The following RIPOR1 variants were observed in gnomAD, a reference collection of about 807,000 sequenced individuals.
RIPOR1 encodes the protein rho family-interacting cell polarization regulator 1.
A neutral mutation model predicts 116.5 loss-of-function variants in RIPOR1; 58 were observed. That is an observed-to-expected ratio of 0.50 (90% CI 0.40 to 0.62). RIPOR1 has a LOEUF of 0.62. Ranked by LOEUF, RIPOR1 falls within the 20% of genes least tolerant of loss-of-function variation. The pLI, the probability that RIPOR1 is intolerant of heterozygous loss-of-function variation, is 0.00. For missense variants in RIPOR1, 1,372 were observed against 1,586.2 expected, an observed-to-expected ratio of 0.86 and a Z score of 2.29; for synonymous variants, 605 against 650.0, an observed-to-expected ratio of 0.93 and a Z score of 1.05.
Position 67,543,144 on chromosome 16 carries a change from G to A in RIPOR1, c.2358G>A (p.Gly786=), listed in dbSNP as rs757654923. ...TPVPTAAGGS[G]DRSLEEALGA... ...TCCCAACGGCAGCCGGAGGGTCTGG[G>A]GACAGGAGCCTGGAGGAGGCACTGG... Residue 786 remains glycine, a synonymous_variant, in exon 13 of 22, where the codon GGG becomes GGA. Transcript: ENST00000042381. The surrounding 1 kb of genome is among the most constrained non-coding windows in gnomAD (Gnocchi z 4.7). 6.5e-7 allele frequency: 1 copy of A among 1,532,440 alleles called. No individual in the cohort carries two copies. The highest frequency in any genetic ancestry group is 1.3e-5 in the South Asian group (1 of 77,122). The allele number at this position is 1,532,440 out of a possible 1,614,324, so 94.9% of individuals were successfully genotyped here. A position where few individuals can be genotyped will look rare whatever the true frequency, so the allele number is the denominator to read the frequency against.
chr16:67,526,933 C>T (rs1255214327), upstream of RIPOR1, among the ~76,000 whole-genome samples: 1 of 152,240 alleles, frequency 6.6e-6, no homozygotes, highest in Admixed American at 6.5e-5. Flanking sequence ...GGGATGGGGA[C>T]AATGCTGAGG....
At position 67,537,518 on chromosome 16, in the gene RIPOR1, T is replaced by G; in HGVS notation, c.-23-906T>G. On this transcript the variant is annotated intron_variant, in intron 1 of 21. Transcript: ENST00000042381. The surrounding 1 kb of genome is among the most constrained non-coding windows in gnomAD (Gnocchi z 4.6). ...CGGAGCCCAGCCGGGCGGCTCGAAG[T>G]GGCCAGGGCCGGAAGGTCCGCGGGG... 2.3e-6 allele frequency: 3 copies of G among 1,283,054 alleles called. No homozygotes were observed. The highest frequency in any genetic ancestry group is 3.0e-6 in the Non-Finnish European group (3 of 1,013,440). The allele number at this position is 1,283,054 out of a possible 1,614,324, so 79.5% of individuals were successfully genotyped here. A position where few individuals can be genotyped will look rare whatever the true frequency, so the allele number is the denominator to read the frequency against.
upstream of RIPOR1, among the ~76,000 whole-genome samples, chr16:67,525,006 G>A (rs558089725): frequency 2.4e-4 from 37 of 152,300 alleles, no homozygotes; most frequent in African/African-American, 6.7e-4. Context: ...CCAAGGCCCC[G>A]CACGCAATTC....
rs748651439 is a variant in RIPOR1, at chr16:67,544,797, C to A, written c.2836C>A (p.Arg946=). ...GGAGGCAGTATGCGAGTTCAGCAGG[C>A]GGTGGGAGATCCCGGCCAGCTCTGC... ...VLEAVCEFSR[R]WEIPASSAQE... is the part of the protein sequence containing the mutation. Residue 946 remains arginine (R), a synonymous_variant, in exon 16 of 22, where the codon CGG becomes AGG. Transcript: ENST00000042381. The surrounding 1 kb of genome is among the most constrained non-coding windows in gnomAD (Gnocchi z 5.1). 2 of 1,598,650 alleles carry A rather than the reference C, an allele frequency of 1.3e-6. No homozygotes were observed. The highest frequency in any genetic ancestry group is 2.7e-5 in the African/African-American group (2 of 74,662).
upstream of RIPOR1, among the ~76,000 whole-genome samples, chr16:67,527,374 G>C (rs1162580908): frequency 1.3e-5 from 2 of 151,828 alleles, no homozygotes. Flanking sequence ...AACAGAGGGA[G>C]ACTCCGTCCC....
chr16:67,521,122 A>G (rs1347186191), intron 1 of RIPOR1, among the ~76,000 whole-genome samples: 1 of 152,206 alleles, frequency 6.6e-6, no homozygotes, highest in African/African-American at 2.4e-5. Flanking sequence ...GCTGTCACAC[A>G]GAACCGAACA....
At position 67,546,374 on chromosome 16, in the gene RIPOR1, G is replaced by A. The variant is rs2051168849; in HGVS notation, c.3571G>A (p.Gly1191Arg). 6.2e-7 allele frequency: 1 copy of A among 1,613,986 alleles called. No homozygotes were observed. The highest frequency in any genetic ancestry group is 8.5e-7 in the Non-Finnish European group (1 of 1,179,986). ...RQSLQQCGEE[G>R]QSAHRRLEES... is the part of the protein sequence containing the mutation. ...ATCCTCACTCATTACAGGAGAAGAGGGACAGTCTGCCCATCGACGGCTGGA... is the reference window on the plus strand; with the variant it reads ...ATCCTCACTCATTACAGGAGAAGAGAGACAGTCTGCCCATCGACGGCTGGA... Residue 1191 changes from glycine (G) to arginine (R), a missense_variant, in exon 22 of 22, where the codon GGA becomes AGA. Gly to Arg is a moderately radical substitution (Grantham distance 125). Transcript: ENST00000042381.
In RIPOR1 at chr16:67,545,424, G is replaced by C. The variant is rs753854878; in HGVS notation, c.3080G>C (p.Arg1027Thr). 2.2e-5 allele frequency: 36 copies of C among 1,614,008 alleles called. No homozygotes were observed. The highest frequency in any genetic ancestry group is 3.0e-5 in the Non-Finnish European group (35 of 1,180,022). The change falls in exon 18 of 22, where the codon AGG becomes ACG. Residue 1027 changes from arginine to threonine, a missense_variant. Arg to Thr is a moderately conservative substitution (Grantham distance 71, BLOSUM62 -1). Transcript: ENST00000042381. The surrounding 1 kb of genome is among the most constrained non-coding windows in gnomAD (Gnocchi z 4.8). Reference protein sequence around the residue: ...EDALGQKLPRRPQPGPGEQLT... With the variant: ...EDALGQKLPRTPQPGPGEQLT... ...GCCCTGGGGCAGAAGCTGCCCAGAA[G>C]GCCCCAGCCAGGGCCTGGAGAGCAG...
Position 67,543,161 on chromosome 16 carries a change from A to C in RIPOR1, c.2375A>C (p.Glu792Ala), listed in dbSNP as rs756589299. ...AGGSGDRSLE[E>A]ALGALMAALD... ...GGGTCTGGGGACAGGAGCCTGGAGGAGGCACTGGGGGCCCTAATGGCTGCC... is the reference window on the plus strand; with the variant it reads ...GGGTCTGGGGACAGGAGCCTGGAGGCGGCACTGGGGGCCCTAATGGCTGCC... Residue 792 changes from glutamate (E) to alanine (A), a missense_variant, in exon 13 of 22, where the codon GAG becomes GCG. By Grantham distance (107) the Glu-to-Ala change is moderately radical. Transcript: ENST00000042381. This position sits in a 1 kb window ranked among gnomAD's most constrained non-coding sequence, Gnocchi z 4.7. 7.8e-6 allele frequency: 12 copies of C among 1,535,022 alleles called. No homozygotes were observed. Among genetic ancestry groups the C allele is most frequent in the East Asian group, 2.3e-5 (1 of 44,282 alleles).
rs1313210243 is a variant in RIPOR1 at position 67,544,057 on chromosome 16, G to A, written c.2601-242G>A. ...CCGCCTGCAGCCTACTCCTACCCATGCCATCCCCAGTGGTCCCAGCTGGAG... is the reference window on the plus strand; with the variant it reads ...CCGCCTGCAGCCTACTCCTACCCATACCATCCCCAGTGGTCCCAGCTGGAG... On this transcript the variant is annotated intron_variant, in intron 14 of 21. Coordinates refer to ENST00000042381, the MANE Select transcript of RIPOR1 (RefSeq NM_024519.4). The surrounding 1 kb of genome is among the most constrained non-coding windows in gnomAD (Gnocchi z 5.1). Among the ~76,000 whole-genome samples the A allele has an allele frequency of 6.6e-6, 1 of 152,028 alleles. No homozygotes were observed. Among genetic ancestry groups the A allele is most frequent in the Non-Finnish European group, 1.5e-5 (1 of 68,004 alleles).
In RIPOR1 at chr16:67,537,019, A is replaced by G. The variant is rs543156455; in HGVS notation, c.-23-1405A>G. 1.3e-5 allele frequency among the ~76,000 whole-genome samples: 2 copies of G among 152,174 alleles called. No individual in the cohort carries two copies. The highest frequency in any genetic ancestry group is 4.1e-4 in the South Asian group (2 of 4,832). ...TGGCGCCACCTCCCGGGTTCAAGCG[A>G]TTCTCCTGTCTCAGCCTCCTGAGTA... On this transcript the variant is annotated intron_variant, in intron 1 of 21. Transcript: ENST00000042381. The surrounding 1 kb of genome is among the most constrained non-coding windows in gnomAD (Gnocchi z 4.6).
In RIPOR1 at chr16:67,537,494, G is replaced by A. The variant is rs2050826855; in HGVS notation, c.-23-930G>A. ...AGCCAGAGCCGCTGGGAGCGAGCCC[G>A]GAGCCCAGCCGGGCGGCTCGAAGTG... On this transcript the variant is annotated intron_variant, in intron 1 of 21. Coordinates refer to ENST00000042381, the MANE Select transcript of RIPOR1 (RefSeq NM_024519.4). The surrounding 1 kb of genome is among the most constrained non-coding windows in gnomAD (Gnocchi z 4.6). 3 of 1,265,780 alleles carry A rather than the reference G, an allele frequency of 2.4e-6. No individual in the cohort carries two copies. Among genetic ancestry groups the A allele is most frequent in the Non-Finnish European group, 3.0e-6 (3 of 1,004,248 alleles). The allele number at this position is 1,265,780 out of a possible 1,614,324, so 78.4% of individuals were successfully genotyped here.
intron 6 of RIPOR1, 35 bp downstream of exon 6, chr16:67,539,934 G>A: frequency 3.1e-6 from 5 of 1,614,084 alleles, no homozygotes; most frequent in Non-Finnish European, 4.2e-6. Flanking sequence ...GTGGGGTGGG[G>A]GGTTGGATAT....
At position 67,537,369 on chromosome 16, in the gene RIPOR1, C is replaced by G; in HGVS notation, c.-23-1055C>G. On this transcript the variant is annotated intron_variant, in intron 1 of 21. Transcript: ENST00000042381. This position sits in a 1 kb window ranked among gnomAD's most constrained non-coding sequence, Gnocchi z 4.6. ...ACCCCTCGCCCCCCGTCGGTCCCCT[C>G]CCCGAGGGGAACCCCAGTCACCGGT... 8.1e-7 allele frequency: 1 copy of G among 1,228,936 alleles called. No individual in the cohort carries two copies. Among genetic ancestry groups the G allele is most frequent in the Non-Finnish European group, 1.0e-6 (1 of 985,504 alleles). The allele number at this position is 1,228,936 out of a possible 1,614,324, so 76.1% of individuals were successfully genotyped here.
Position 67,541,874 on chromosome 16 carries a change from T to G in RIPOR1, c.1088T>G (p.Leu363Arg). 2 of 1,609,824 alleles carry G rather than the reference T, an allele frequency of 1.2e-6. No homozygotes were observed. The highest frequency in any genetic ancestry group is 1.7e-6 in the Non-Finnish European group (2 of 1,176,762). The change falls in exon 13 of 22, where the codon CTG becomes CGG. Residue 363 changes from leucine (L) to arginine (R), a missense_variant. By Grantham distance (102) the Leu-to-Arg change is moderately radical (BLOSUM62 -2). Around this residue, in one of 3 missense-constraint regions of RIPOR1, gnomAD observed 1,005 missense variants for 1,144.7 expected, o/e 0.88. Coordinates refer to ENST00000042381, the MANE Select transcript of RIPOR1 (RefSeq NM_024519.4). This position sits in a 1 kb window ranked among gnomAD's most constrained non-coding sequence, Gnocchi z 4.6. ...CCCTCTCCTCTTTCTCAGAACATGC[T>G]GCGACGGCAGGAGGAGCTGGAGAAT... The part of the protein sequence containing the change: ...SLREQAFYNM[L>R]RRQEELENGT...
intron 1 of RIPOR1, among the ~76,000 whole-genome samples, chr16:67,523,684 CTTT>C (rs374534111): frequency 6.9e-6 from 1 of 144,886 alleles, no homozygotes. Flanking sequence ...TACCCTTAAA[CTTT>C]TTTTTTTTTT....
chr16:67,540,268 G>C lies in RIPOR1; in HGVS notation c.568-32G>C. The C allele has an allele frequency of 6.2e-7, 1 of 1,613,234 alleles. No individual in the cohort carries two copies. Among genetic ancestry groups the C allele is most frequent in the Non-Finnish European group, 8.5e-7 (1 of 1,179,614 alleles). On this transcript the variant is annotated intron_variant, in intron 7 of 21. Transcript: ENST00000042381. This position sits in a 1 kb window ranked among gnomAD's most constrained non-coding sequence, Gnocchi z 4.7. ...GTGGCAGGGCTAGTGGCTGGCCCTT[G>C]ACCCCCTCCTGTCCCTGCCCCTCCC...
rs370717519 is a variant in RIPOR1 at position 67,544,648 on chromosome 16, G to A, written c.2734-47G>A. 79 of 1,608,046 alleles carry A rather than the reference G, an allele frequency of 4.9e-5. No homozygotes were observed. The highest frequency in any genetic ancestry group is 6.2e-5 in the Non-Finnish European group (73 of 1,179,618). ...ACTTGTCCCTGAGCACGATCCTCCC[G>A]AGCCCTACCCTGAGGCCTGAGCTAC... On this transcript the variant is annotated intron_variant, in intron 15 of 21. Transcript: ENST00000042381. This position sits in a 1 kb window ranked among gnomAD's most constrained non-coding sequence, Gnocchi z 5.1.
rs2051089807 is a variant in RIPOR1 at position 67,544,206 on chromosome 16, C to T, written c.2601-93C>T. 1.3e-5 allele frequency: 19 copies of T among 1,480,370 alleles called. No homozygotes were observed. Among genetic ancestry groups the T allele is most frequent in the Non-Finnish European group, 1.7e-5 (19 of 1,096,946 alleles). The allele number at this position is 1,480,370 out of a possible 1,614,324, so 91.7% of individuals were successfully genotyped here. On this transcript the variant is annotated intron_variant, in intron 14 of 21. Transcript: ENST00000042381. The surrounding 1 kb of genome is among the most constrained non-coding windows in gnomAD (Gnocchi z 5.1). ...CTGCTGTCGGTGCATCATCTTCTTC[C>T]TTTCTGGCATGGGGGAAGCTTAATA...
Sources: gnomAD v4.1 joint callset for allele counts (sites outside exome capture counted in the v4.1 genomes callset) on GRCh38, gnomAD v4.1.1 for gene constraint, gnomAD v4.1.1 regional missense constraint, Gnocchi (gnomAD v3.1) non-coding constraint, MANE v1.5 for transcripts, NCBI Gene and HGNC (gene_info 2026-07-23, HGNC 2026-07-21) for gene names.